The following SAXO1 variants were observed in gnomAD, a reference collection of about 807,000 sequenced individuals.
SAXO1 encodes the protein stabilizer of axonemal microtubules 1.
A neutral mutation model predicts 17.5 loss-of-function variants in SAXO1; 21 were observed. That is an observed-to-expected ratio of 1.20 (90% CI 0.85 to 1.72). The LOEUF is 1.72. Ranked by LOEUF, SAXO1 falls within the 40% of genes most tolerant of loss-of-function variation. The pLI, the probability that SAXO1 is intolerant of heterozygous loss-of-function variation, is 0.00. For synonymous variants in SAXO1, 274 were observed against 216.5 expected, an observed-to-expected ratio of 1.27 and a Z score of -2.33; for missense variants, 843 against 596.0, an observed-to-expected ratio of 1.41 and a Z score of -4.32.
chr9:18,980,419 A>C (rs1168139588), intron 1 of SAXO1, among the ~76,000 whole-genome samples: 1 of 151,928 alleles, frequency 6.6e-6, no homozygotes, highest in African/African-American at 2.4e-5. Flanking sequence ...GAGTTTTAGC[A>C]GCTCATTAAT....
chr9:18,975,279 T>C (rs1324196287), intron 1 of SAXO1, among the ~76,000 whole-genome samples: 3 of 151,820 alleles, frequency 2.0e-5, no homozygotes, highest in African/African-American at 4.8e-5. Flanking sequence ...TAAATGGTTC[T>C]GGACAGGCAG....
intron 2 of SAXO1, among the ~76,000 whole-genome samples, chr9:18,949,389 C>T (rs929483085): frequency 1.3e-5 from 2 of 151,994 alleles, no homozygotes; most frequent in African/African-American, 4.8e-5. Context: ...CCCAGAAATT[C>T]GAGGCTGCAC....
chr9:19,023,156 C>A (rs976141962), intron 1 of SAXO1, among the ~76,000 whole-genome samples: 1 of 135,538 alleles, frequency 7.4e-6, no homozygotes, highest in Non-Finnish European at 1.6e-5. Flanking sequence ...CCCACCCCCC[C>A]GCCCCACCGG....
At position 19,033,129 on chromosome 9, in the gene SAXO1, G is replaced by A. The variant is rs929275874; in HGVS notation, c.-221C>T. The stretch of plus-strand genomic sequence containing the variant: ...AGGTAGCAGCAGGGGGCTTGCACGC[G>A]CGCCAGCCCGGGAGACCTCACCCTG... On this transcript the variant is annotated 5_prime_UTR_variant, in exon 1 of 4. Transcript: ENST00000380534. 2.1e-5 allele frequency: 10 copies of A among 483,082 alleles called. No homozygotes were observed. The highest frequency in any genetic ancestry group is 3.8e-5 in the South Asian group (1 of 26,250). The allele number at this position is 483,082 out of a possible 1,614,324, so 29.9% of individuals were successfully genotyped here. A position where few individuals can be genotyped will look rare whatever the true frequency, so the allele number is the denominator to read the frequency against.
At chr9:18,999,817 T>C (rs1393963020) in intron 1 of SAXO1, among the ~76,000 whole-genome samples, 3 of 103,168 alleles carry the variant, frequency 2.9e-5, no homozygotes, top group East Asian at 3.4e-4. Context: ...GCTGTCCCAC[T>C]GTCTGGGAAG....
rs556764706 is a variant in SAXO1 at position 18,960,651 on chromosome 9, C to A, written c.39-9714G>T. Among the ~76,000 whole-genome samples, 5 of 152,204 alleles carry A rather than the reference C, an allele frequency of 3.3e-5. No homozygotes were observed. The South Asian group carries it at 1.0e-3, about 32-fold the overall frequency. On this transcript the variant is annotated intron_variant, in intron 1 of 3. Transcript: ENST00000380534. ...TACAAAAGTTATCCAGGTGTGGTGGCATGTGCCTGTAGTCCCAGCTACTTG... is the reference window on the plus strand; with the variant it reads ...TACAAAAGTTATCCAGGTGTGGTGGAATGTGCCTGTAGTCCCAGCTACTTG...
chr9:18,954,919 T>TAA (rs10630997), intron 1 of SAXO1, among the ~76,000 whole-genome samples: 80,321 of 146,962 alleles, frequency 0.55, 25,115 homozygotes, highest in Non-Finnish European at 0.7. Flanking sequence ...AAAAAAAAGT[T>TAA]AAAAAAAAAA....
Position 18,928,020 on chromosome 9 carries a change from C to G in SAXO1, c.*32G>C. On this transcript the variant is annotated 3_prime_UTR_variant, in exon 4 of 4. Transcript: ENST00000380534. ...TCTCAGTTGTCTGCTTTTAAAAGTACTGTGTAATTTCTAAATTACTATTTT... is the reference window on the plus strand; with the variant it reads ...TCTCAGTTGTCTGCTTTTAAAAGTAGTGTGTAATTTCTAAATTACTATTTT... 6.6e-7 allele frequency: 1 copy of G among 1,513,070 alleles called. No homozygotes were observed. The highest frequency in any genetic ancestry group is 8.9e-7 in the Non-Finnish European group (1 of 1,126,792). The allele number at this position is 1,513,070 out of a possible 1,614,324, so 93.7% of individuals were successfully genotyped here. A position where few individuals can be genotyped will look rare whatever the true frequency, so the allele number is the denominator to read the frequency against.
intron 1 of SAXO1, among the ~76,000 whole-genome samples, chr9:18,999,448 G>A (rs182392394): frequency 6.6e-6 from 1 of 151,950 alleles, no homozygotes; most frequent in Non-Finnish European, 1.5e-5. Context: ...CCTCCACCCG[G>A]CTGCCCCACC....
intron 1 of SAXO1, among the ~76,000 whole-genome samples, chr9:18,985,252 G>T (rs1410421783): frequency 5.3e-5 from 8 of 152,002 alleles, no homozygotes; most frequent in African/African-American, 1.9e-4. Flanking sequence ...TAACATCAAA[G>T]GTTAATCACA....
chr9:18,950,624 G>T lies in SAXO1; in HGVS notation c.218+134C>A. On this transcript the variant is annotated intron_variant, in intron 2 of 3. Coordinates refer to ENST00000380534, the MANE Select transcript of SAXO1 (RefSeq NM_153707.4). ...TCCTTCAGAGATATAGTACATTAAG[G>T]CATTAATATCATATGTTGATACTGC... is the stretch of plus-strand genomic sequence containing the variant. 3 of 737,808 alleles carry T rather than the reference G, an allele frequency of 4.1e-6. No individual in the cohort carries two copies. The South Asian group carries it at 8.7e-5, about 21-fold the overall frequency. The allele number at this position is 737,808 out of a possible 1,614,324, so 45.7% of individuals were successfully genotyped here. A position where few individuals can be genotyped will look rare whatever the true frequency, so the allele number is the denominator to read the frequency against.
upstream of SAXO1, among the ~76,000 whole-genome samples, chr9:19,035,741 T>TCC (rs1835918564): frequency 6.6e-6 from 1 of 152,212 alleles, no homozygotes; most frequent in South Asian, 2.1e-4. Context: ...GGGAATGGAA[T>TCC]CCAAGGTGAT....
intron 1 of SAXO1, among the ~76,000 whole-genome samples, chr9:18,964,943 C>A (rs1055807439): frequency 6.6e-6 from 1 of 152,166 alleles, no homozygotes; most frequent in Non-Finnish European, 1.5e-5. Context: ...CCCAGAGATT[C>A]TGGTGCATTG....
chr9:19,022,361 A>T (rs1835278999), intron 1 of SAXO1, among the ~76,000 whole-genome samples: 1 of 152,232 alleles, frequency 6.6e-6, no homozygotes, highest in African/African-American at 2.4e-5. Context: ...TCTTGAAGTG[A>T]GTGAGACCAA....
intron 1 of SAXO1, among the ~76,000 whole-genome samples, chr9:18,963,198 G>T (rs746666574): frequency 6.6e-6 from 1 of 152,100 alleles, no homozygotes. Context: ...TTTGGTTATC[G>T]TAGCCTTGTA....
At chr9:18,998,732 C>A (rs1451477049) in intron 1 of SAXO1, among the ~76,000 whole-genome samples, 2 of 152,132 alleles carry the variant, frequency 1.3e-5, no homozygotes, top group Non-Finnish European at 2.9e-5. Flanking sequence ...AGGTTACCCA[C>A]AAAGGGAAGC....
intron 1 of SAXO1, among the ~76,000 whole-genome samples, chr9:19,043,728 A>G (rs938026386): frequency 2.0e-5 from 3 of 152,026 alleles, no homozygotes; most frequent in African/African-American, 7.2e-5. Flanking sequence ...TGATCACAAC[A>G]CTGCACTCCA....
At position 18,928,530 on chromosome 9, in the gene SAXO1, C is replaced by G; in HGVS notation, c.947G>C (p.Gly316Ala). Residue 316 changes from glycine (G) to alanine (A), a missense_variant, in exon 4 of 4, where the codon GGT (glycine) becomes GCT (alanine). Coordinates refer to ENST00000380534, the MANE Select transcript of SAXO1 (RefSeq NM_153707.4). ...TVQAHYTCPK[G>A]APAQSCRPAL... Reference sequence around the variant, plus strand: ...AGGTCGGCAGGACTGAGCTGGGGCACCCTTAGGGCATGTGTAATGGGCCTG... The same window carrying G: ...AGGTCGGCAGGACTGAGCTGGGGCAGCCTTAGGGCATGTGTAATGGGCCTG... The G allele has an allele frequency of 6.2e-7, 1 of 1,613,934 alleles. No homozygotes were observed. Among genetic ancestry groups the G allele is most frequent in the Non-Finnish European group, 8.5e-7 (1 of 1,179,966 alleles).
intron 3 of SAXO1, among the ~76,000 whole-genome samples, chr9:18,940,194 G>A (rs1293181380): frequency 6.6e-6 from 1 of 152,214 alleles, no homozygotes; most frequent in Non-Finnish European, 1.5e-5. Context: ...AAGGACTGTC[G>A]TGGTGGGAGG....
Sources: gnomAD v4.1 joint callset for allele counts (sites outside exome capture counted in the v4.1 genomes callset) on GRCh38, gnomAD v4.1.1 for gene constraint, MANE v1.5 for transcripts, NCBI Gene and HGNC (gene_info 2026-07-23, HGNC 2026-07-21) for gene names.